DHRS11: variants seen among roughly 807,000 people sequenced by gnomAD.
The protein encoded by DHRS11 is dehydrogenase/reductase 11.
Under a neutral mutation model 30.7 loss-of-function variants are expected in DHRS11, and 18 were observed. That is an observed-to-expected ratio of 0.59 (90% CI 0.41 to 0.87). DHRS11 has a LOEUF of 0.87. Among genes scored for constraint, DHRS11 ranks in the 40% least tolerant of loss-of-function variants. The pLI, the probability that DHRS11 is intolerant of heterozygous loss-of-function variation, is 0.00. For synonymous variants in DHRS11, 123 were observed against 139.6 expected (o/e 0.88, Z 0.84); for missense variants, 300 against 349.0 (o/e 0.86, Z 1.12).
intron 1 of DHRS11, among the ~76,000 whole-genome samples, chr17:36,594,378 C>T (rs1388373744): frequency 6.6e-6 from 1 of 152,120 alleles, no homozygotes; most frequent in Non-Finnish European, 1.5e-5. Flanking sequence ...AAAGAGAGAG[C>T]ACTCCATTCT....
chr17:36,598,553 T>C (rs1001917231), intron 3 of DHRS11: 2 of 523,122 alleles, frequency 3.8e-6, no homozygotes, highest in African/African-American at 1.9e-5. Flanking sequence ...AAGAGTACTA[T>C]GTACAGTGTC....
At chr17:36,597,694 C>T (rs1487022955) in intron 2 of DHRS11, 4 of 199,622 alleles carry the variant, frequency 2.0e-5, no homozygotes, top group Admixed American at 6.1e-5. Flanking sequence ...GGCTGTGTGC[C>T]GGAGGAGAGA....
Position 36,600,706 on chromosome 17 carries a change from G to T in DHRS11, c.*503G>T. 1 of 185,068 alleles carries T rather than the reference G, an allele frequency of 5.4e-6. No homozygotes were observed. The highest frequency in any genetic ancestry group is 1.1e-5 in the Non-Finnish European group (1 of 88,004). The allele number at this position is 185,068 out of a possible 1,614,324, so 11.5% of individuals were successfully genotyped here. Reference sequence around the variant, plus strand: ...GTCTTGGCTTCTTGTCCCCTCCTGGGGTCATCCCTCCACTCTGACTCTGAC... The same window carrying T: ...GTCTTGGCTTCTTGTCCCCTCCTGGTGTCATCCCTCCACTCTGACTCTGAC... On this transcript the variant is annotated 3_prime_UTR_variant, in exon 7 of 7. Coordinates refer to ENST00000618403, the MANE Select transcript of DHRS11 (RefSeq NM_024308.4).
In DHRS11 at chr17:36,598,992, C is replaced by T. The variant is rs763416991; in HGVS notation, c.524C>T (p.Ala175Val). The stretch of plus-strand genomic sequence containing the variant: ...AGTGCCACCAAGTATGCCGTCACTG[C>T]GCTGACAGAGGGACTGAGGCAAGAG... Reference protein sequence around the residue: ...FYSATKYAVTALTEGLRQELR... With the variant: ...FYSATKYAVTVLTEGLRQELR... The change falls in exon 4 of 7, where the codon GCG becomes GTG. Residue 175 changes from alanine (A) to valine (V), a missense_variant. Coordinates refer to ENST00000618403, the MANE Select transcript of DHRS11 (RefSeq NM_024308.4). 43 of 1,613,310 alleles carry T rather than the reference C, an allele frequency of 2.7e-5. No homozygotes were observed. In the East Asian group the frequency reaches 3.1e-4, roughly 12 times the overall value.
At chr17:36,598,061 T>G (rs1160870124) in intron 2 of DHRS11, 102 bp from the exon 3 acceptor site, 4 of 1,189,120 alleles carry the variant, frequency 3.4e-6, no homozygotes, top group Middle Eastern at 2.5e-4. Context: ...GACACTGTTT[T>G]GGAATGCCAC....
In DHRS11 at chr17:36,592,185, G is replaced by T; in HGVS notation, c.147+29G>T. ...AGGCCGGGCCGAGGGCGGGGACGTCGCGGGCGGGTCGTTTCCCCGGAGTCG... is the reference window on the plus strand; with the variant it reads ...AGGCCGGGCCGAGGGCGGGGACGTCTCGGGCGGGTCGTTTCCCCGGAGTCG... On this transcript the variant is annotated intron_variant, in intron 1 of 6. Coordinates refer to ENST00000618403, the MANE Select transcript of DHRS11 (RefSeq NM_024308.4). This position sits in a 1 kb window ranked among gnomAD's most constrained non-coding sequence, Gnocchi z 4.4. 7.9e-7 allele frequency: 1 copy of T among 1,258,686 alleles called. No individual in the cohort carries two copies. 78.0% of individuals were successfully genotyped at this position (1,258,686 alleles called of 1,614,324 possible).
Position 36,600,522 on chromosome 17 carries a change from A to G in DHRS11, c.*319A>G, listed in dbSNP as rs2074851762. 1 of 515,972 alleles carries G rather than the reference A, an allele frequency of 1.9e-6. No individual in the cohort carries two copies. The highest frequency in any genetic ancestry group is 1.9e-5 in the African/African-American group (1 of 52,108). 32.0% of individuals were successfully genotyped at this position (515,972 alleles called of 1,614,324 possible). A position where few individuals can be genotyped will look rare whatever the true frequency, so the allele number is the denominator to read the frequency against. ...GAAAGGAGTTGTGGCCAAAATCCCC[A>G]TCTTCTTGCACCTCAACGTCTGTGG... On this transcript the variant is annotated 3_prime_UTR_variant, in exon 7 of 7. Transcript: ENST00000618403.
intron 1 of DHRS11, among the ~76,000 whole-genome samples, chr17:36,593,125 T>C (rs75277032): frequency 0.022 from 3,277 of 152,272 alleles, 130 homozygotes; most frequent in African/African-American, 0.074. Flanking sequence ...AGCCCCAGCC[T>C]TGGAGCCCAG....
rs763122936 is a variant in DHRS11, at chr17:36,599,969, CAG to C, written c.676-2_676-1del. On this transcript the variant is annotated splice_acceptor_variant, in intron 5 of 6. Transcript: ENST00000618403. LOFTEE classifies it high-confidence loss of function. ...TCTCAACCCATTCCCCTGGTGCTCTCAGTGTCTCAAACCCGAGGATGTGGCCG... is the reference window on the plus strand; with the variant it reads ...TCTCAACCCATTCCCCTGGTGCTCTCTGTCTCAAACCCGAGGATGTGGCCG... The C allele has an allele frequency of 6.2e-7, 1 of 1,613,660 alleles. No homozygotes were observed.
intron 1 of DHRS11, among the ~76,000 whole-genome samples, chr17:36,594,242 C>T (rs2074790978): frequency 6.6e-6 from 1 of 152,094 alleles, no homozygotes. Context: ...GACTGGCTGA[C>T]ACAATGCAGA....
At chr17:36,596,930 A>G in intron 2 of DHRS11, 5 of 467,920 alleles carry the variant, frequency 1.1e-5, no homozygotes, top group South Asian at 7.8e-5. Flanking sequence ...CCCACAGCAC[A>G]TGGGTCTCTA....
intron 4 of DHRS11, 141 bp downstream of exon 4, chr17:36,599,191 C>T: frequency 7.8e-7 from 1 of 1,278,474 alleles, no homozygotes; most frequent in Non-Finnish European, 1.0e-6. Context: ...GGTGCTGCTG[C>T]TCCAGGCATG....
intron 3 of DHRS11, 88 bp downstream of exon 3, chr17:36,598,345 C>CT: frequency 8.2e-7 from 1 of 1,222,068 alleles, no homozygotes; most frequent in South Asian, 1.3e-5. Context: ...CCTCAGTTTC[C>CT]TTGGTGGGAA....
At chr17:36,594,099 G>A (rs1163317040) in intron 1 of DHRS11, among the ~76,000 whole-genome samples, 1 of 152,196 alleles carries the variant, frequency 6.6e-6, no homozygotes, top group Non-Finnish European at 1.5e-5. Context: ...GAAAGAATCT[G>A]TCCTGACTTT....
rs960591719 is a variant in DHRS11, at chr17:36,591,890, G to A, written c.-120G>A. 165 of 1,066,186 alleles carry A rather than the reference G, an allele frequency of 1.5e-4. 1 individual carries two copies. The highest frequency in any genetic ancestry group is 4.8e-5 in the South Asian group (1 of 21,022). The allele number at this position is 1,066,186 out of a possible 1,614,324, so 66.0% of individuals were successfully genotyped here. A position where few individuals can be genotyped will look rare whatever the true frequency, so the allele number is the denominator to read the frequency against. On this transcript the variant is annotated 5_prime_UTR_variant, in exon 1 of 7. Transcript: ENST00000618403. ...GCCGGAGGCAGGCCGGGACTCTGGTGGGTCTAGGCGCGGATCGGACCCAAG... is the reference window on the plus strand; with the variant it reads ...GCCGGAGGCAGGCCGGGACTCTGGTAGGTCTAGGCGCGGATCGGACCCAAG...
intron 1 of DHRS11, among the ~76,000 whole-genome samples, chr17:36,593,070 C>T (rs1473689397): frequency 1.3e-5 from 2 of 152,040 alleles, no homozygotes; most frequent in Admixed American, 1.3e-4. Flanking sequence ...CCATCACTGC[C>T]CCACTCTTTC....
chr17:36,596,113 C>CA (rs1167749882), intron 2 of DHRS11, among the ~76,000 whole-genome samples: 1 of 151,520 alleles, frequency 6.6e-6, no homozygotes, highest in Non-Finnish European at 1.5e-5. Context: ...TCAAATCCTG[C>CA]ATAGTTGCTC....
chr17:36,599,445 G>A (rs1243091095), intron 4 of DHRS11: 3 of 586,358 alleles, frequency 5.1e-6, no homozygotes, highest in Admixed American at 6.2e-5. Context: ...AGCTTTTCAG[G>A]GACACTTTTT....
rs2074772412 is a variant in DHRS11, at chr17:36,592,140, C to T, written c.131C>T (p.Thr44Ile). Residue 44 changes from threonine to isoleucine, a missense_variant, in exon 1 of 7, where the codon ACT (threonine) becomes ATT (isoleucine). Transcript: ENST00000618403. This position sits in a 1 kb window ranked among gnomAD's most constrained non-coding sequence, Gnocchi z 4.4. The stretch of plus-strand genomic sequence containing the variant: ...CTGAAGGTGGTGGGCTGCGCCCGCA[C>T]TGTGGGCAACATCGAGGTGAGGCCG... ...QGLKVVGCAR[T>I]VGNIEELAAE... The T allele has an allele frequency of 1.6e-6, 2 of 1,283,822 alleles. No individual in the cohort carries two copies. The highest frequency in any genetic ancestry group is 2.9e-5 in the East Asian group (1 of 34,544). The allele number at this position is 1,283,822 out of a possible 1,614,324, so 79.5% of individuals were successfully genotyped here. A position where few individuals can be genotyped will look rare whatever the true frequency, so the allele number is the denominator to read the frequency against.
Sources: gnomAD v4.1 joint callset for allele counts (sites outside exome capture counted in the v4.1 genomes callset) on GRCh38, gnomAD v4.1.1 for gene constraint, Gnocchi (gnomAD v3.1) non-coding constraint, MANE v1.5 for transcripts, NCBI Gene and HGNC (gene_info 2026-07-23, HGNC 2026-07-21) for gene names.